PCDHGB4: variants seen among roughly 807,000 people sequenced by gnomAD.
PCDHGB4 encodes the protein protocadherin gamma subfamily B, 4.
PCDHGB4 carries 38 observed loss-of-function variants against 60.5 expected under a neutral mutation model. The observed-to-expected ratio is 0.63, with a 90% confidence interval of 0.48 to 0.82. PCDHGB4 has a LOEUF of 0.82. PCDHGB4 is among the 40% of genes least tolerant of loss of function. PCDHGB4 has a pLI of 0.00. For synonymous variants in PCDHGB4, 456 were observed against 509.7 expected, an observed-to-expected ratio of 0.89 and a Z score of 1.42; for missense variants, 1,109 against 1,209.6, an observed-to-expected ratio of 0.92 and a Z score of 1.23.
chr5:141,414,715 G>A, intron 1 of PCDHGB4: 1 of 1,614,128 alleles, frequency 6.2e-7, no homozygotes. Context: ...CATCAACTCA[G>A]ACACTGGCGT....
intron 1 of PCDHGB4, chr5:141,410,113 A>G (rs760617436): frequency 3.4e-5 from 55 of 1,612,436 alleles, no homozygotes; most frequent in Non-Finnish European, 4.6e-5. Flanking sequence ...ACAGGGACGC[A>G]GCCCGCCAGC....
At chr5:141,457,607 T>C (rs578113551) in intron 1 of PCDHGB4, among the ~76,000 whole-genome samples, 2 of 152,360 alleles carry the variant, frequency 1.3e-5, no homozygotes, top group African/African-American at 4.8e-5. Context: ...AAACTAATTA[T>C]GAATGAACTT....
Position 141,415,335 on chromosome 5 carries a change from G to T in PCDHGB4, c.2397+25054G>T, listed in dbSNP as rs779617513. On this transcript the variant is annotated intron_variant, in intron 1 of 3. Coordinates refer to ENST00000519479, the MANE Select transcript of PCDHGB4 (RefSeq NM_003736.4). ...TCATCGTGCTGCTGGCGCACAGGCT[G>T]CGGCGCTGGCACAAGTCACGCCTGC... The T allele has an allele frequency of 4.3e-6, 7 of 1,614,110 alleles. No homozygotes were observed. The Admixed American group carries it at 1.2e-4, about 27-fold the overall frequency.
chr5:141,391,906 T>C (rs2092441756), intron 1 of PCDHGB4: 2 of 152,218 alleles, frequency 1.3e-5, no homozygotes, highest in Non-Finnish European at 2.9e-5. Flanking sequence ...GCTTTGCTTT[T>C]TATCATATAT....
At chr5:141,507,862 G>A (rs17286954) in intron 3 of PCDHGB4, among the ~76,000 whole-genome samples, 4 of 152,076 alleles carry the variant, frequency 2.6e-5, no homozygotes, top group African/African-American at 7.2e-5. Flanking sequence ...TTTCACACCC[G>A]CTTCCTAGCC....
intron 1 of PCDHGB4, among the ~76,000 whole-genome samples, chr5:141,455,425 A>G (rs2098822334): frequency 1.3e-5 from 2 of 152,168 alleles, no homozygotes; most frequent in African/African-American, 2.4e-5. Flanking sequence ...CGGGGCTCCA[A>G]AAGAGGAGGT....
chr5:141,449,256 A>C (rs929920180), intron 1 of PCDHGB4, among the ~76,000 whole-genome samples: 5 of 152,176 alleles, frequency 3.3e-5, no homozygotes, highest in Non-Finnish European at 5.9e-5. Context: ...CAAGAATTGT[A>C]CAAAGAACTG....
intron 3 of PCDHGB4, among the ~76,000 whole-genome samples, chr5:141,509,907 C>T (rs149338646): frequency 3.3e-5 from 5 of 152,182 alleles, no homozygotes; most frequent in South Asian, 2.1e-4. Context: ...TTCCAGCATG[C>T]GCTTAGGTAC....
intron 1 of PCDHGB4, chr5:141,426,908 G>C (rs1047101179): frequency 8.8e-6 from 4 of 456,612 alleles, no homozygotes; most frequent in African/African-American, 6.0e-5. Context: ...CTCATCTCCT[G>C]GTCCTGGAAG....
chr5:141,455,860 ATTAT>A (rs145569377), intron 1 of PCDHGB4, among the ~76,000 whole-genome samples: 54,169 of 139,612 alleles, frequency 0.39, 10,686 homozygotes, highest in Admixed American at 0.44. Context: ...AATTTCTTTT[ATTAT>A]TTATTTATTT....
At chr5:141,422,618 A>G in intron 1 of PCDHGB4, 3 of 1,613,682 alleles carry the variant, frequency 1.9e-6, no homozygotes, top group Non-Finnish European at 2.5e-6. Flanking sequence ...TACATTCCCG[A>G]AAACAACCCC....
At chr5:141,462,698 G>A (rs2099045237) in intron 1 of PCDHGB4, among the ~76,000 whole-genome samples, 1 of 152,062 alleles carries the variant, frequency 6.6e-6, no homozygotes. Context: ...ATTTATAATG[G>A]AGGTTTTAAA....
chr5:141,511,010 A>G lies in PCDHGB4; in HGVS notation c.2609A>G (p.Tyr870Cys), dbSNP rs1286219897. 6.2e-6 allele frequency: 10 copies of G among 1,614,054 alleles called. No homozygotes were observed. Among genetic ancestry groups the G allele is most frequent in the African/African-American group, 1.3e-5 (1 of 74,916 alleles). Residue 870 changes from tyrosine to cysteine, a missense_variant, in exon 4 of 4, where the codon TAC becomes TGC. By Grantham distance (194) the Tyr-to-Cys change is radical (BLOSUM62 -2). Coordinates refer to ENST00000519479, the MANE Select transcript of PCDHGB4 (RefSeq NM_003736.4). ...GGCACCATGGGATTGAGCGCCCGCT[A>G]CGGACCCCAGTTCACCCTGCAGCAC... Reference protein sequence around the residue: ...GAGTMGLSARYGPQFTLQHVP... With the variant: ...GAGTMGLSARCGPQFTLQHVP...
chr5:141,428,310 G>A (rs2097132610), intron 1 of PCDHGB4: 1 of 671,630 alleles, frequency 1.5e-6, no homozygotes, highest in Admixed American at 2.2e-5. Context: ...ACCTGGTCGT[G>A]GCCTTGGCCT....
In PCDHGB4 at chr5:141,505,496, T is replaced by C; in HGVS notation, c.2545+15T>C. 6.2e-7 allele frequency: 1 copy of C among 1,614,148 alleles called. No homozygotes were observed. The highest frequency in any genetic ancestry group is 8.5e-7 in the Non-Finnish European group (1 of 1,180,004). ...GTCCGCCAGTGGTAAGTGGTGTCAGTGTGTGTATGGAAGAGTGGGAGACCT... is the reference window on the plus strand; with the variant it reads ...GTCCGCCAGTGGTAAGTGGTGTCAGCGTGTGTATGGAAGAGTGGGAGACCT... On this transcript the variant is annotated intron_variant, in intron 3 of 3. Transcript: ENST00000519479.
intron 1 of PCDHGB4, chr5:141,403,422 C>T (rs749764130): frequency 6.2e-7 from 1 of 1,613,912 alleles, no homozygotes; most frequent in Admixed American, 1.7e-5. Flanking sequence ...CTTCCAGAAG[C>T]TATTGATCCG....
intron 1 of PCDHGB4, among the ~76,000 whole-genome samples, chr5:141,453,135 A>G (rs932061368): frequency 6.6e-6 from 1 of 151,778 alleles, no homozygotes; most frequent in Non-Finnish European, 1.5e-5. Context: ...TGTTTTTGAG[A>G]TAGGGTCTCG....
Position 141,476,682 on chromosome 5 carries a change from A to G in PCDHGB4, c.2398-18125A>G, listed in dbSNP as rs987205396. The G allele has an allele frequency of 6.2e-7, 1 of 1,614,072 alleles. No individual in the cohort carries two copies. Among genetic ancestry groups the G allele is most frequent in the African/African-American group, 1.3e-5 (1 of 74,934 alleles). ...GCGCTTCGCGTGCAGACGCGGGAGG[A>G]CAGCACCAAGTACGCGGAGCTGGTG... On this transcript the variant is annotated intron_variant, in intron 1 of 3. Coordinates refer to ENST00000519479, the MANE Select transcript of PCDHGB4 (RefSeq NM_003736.4). The surrounding 1 kb of genome is among the most constrained non-coding windows in gnomAD (Gnocchi z 7.6).
rs2096271749 is a variant in PCDHGB4, at chr5:141,418,581, T to G, written c.2397+28300T>G. On this transcript the variant is annotated intron_variant, in intron 1 of 3. Coordinates refer to ENST00000519479, the MANE Select transcript of PCDHGB4 (RefSeq NM_003736.4). The stretch of plus-strand genomic sequence containing the variant: ...ATAGATGCCAATGACAACCCCCCAG[T>G]GTTCAGCCAGGACGTGTACAGGGTT... The G allele has an allele frequency of 2.5e-6, 4 of 1,613,854 alleles. No homozygotes were observed. The South Asian group carries it at 4.4e-5, about 18-fold the overall frequency.
Sources: gnomAD v4.1 joint callset for allele counts (sites outside exome capture counted in the v4.1 genomes callset) on GRCh38, gnomAD v4.1.1 for gene constraint, Gnocchi (gnomAD v3.1) non-coding constraint, MANE v1.5 for transcripts, NCBI Gene and HGNC (gene_info 2026-07-23, HGNC 2026-07-21) for gene names.